The following TMEM135 variants were observed in gnomAD, a reference collection of about 807,000 sequenced individuals.
The protein encoded by TMEM135 is transmembrane protein 135, also known as peroxisomal membrane protein 52.
A neutral mutation model predicts 60.3 loss-of-function variants in TMEM135; 30 were observed. The ratio of observed to expected loss-of-function variants is 0.50; its 90% CI spans 0.37 to 0.68. TMEM135 has a LOEUF of 0.68. TMEM135 is among the 30% of genes least tolerant of loss of function. The pLI, the probability that TMEM135 is intolerant of heterozygous loss-of-function variation, is 0.00. For synonymous variants in TMEM135, 190 were observed against 186.7 expected (o/e 1.02, Z -0.14); for missense variants, 468 against 548.8 (o/e 0.85, Z 1.47).
chr11:87,328,818 G>T lies in TMEM135; in HGVS notation c.*7485G>T, dbSNP rs993016734. The T allele has an allele frequency of 2.2e-6, 1 of 453,740 alleles. No individual in the cohort carries two copies. The highest frequency in any genetic ancestry group is 2.0e-5 in the African/African-American group (1 of 49,902). The allele number at this position is 453,740 out of a possible 1,614,324, so 28.1% of individuals were successfully genotyped here. On this transcript the variant is annotated 3_prime_UTR_variant, in exon 15 of 15. Transcript: ENST00000305494. ...GTGTTAACAATAAAAATATATATAC[G>T]AGTGTCTTTTATGGTAGATCTCCTT...
chr11:87,240,101 T>C (rs1941096981), intron 6 of TMEM135, among the ~76,000 whole-genome samples: 1 of 152,116 alleles, frequency 6.6e-6, no homozygotes, highest in African/African-American at 2.4e-5. Context: ...AGGAGAGGGC[T>C]CTACTTCTGT....
At chr11:87,298,802 A>AAAAAAAAAAAC (rs1942394319) in intron 7 of TMEM135, among the ~76,000 whole-genome samples, 1 of 134,492 alleles carries the variant, frequency 7.4e-6, no homozygotes, top group Admixed American at 7.5e-5. Context: ...AAAAAAAAAA[A>AAAAAAAAAAAC]AACAGCCGGG....
intron 5 of TMEM135, among the ~76,000 whole-genome samples, chr11:87,230,016 G>T (rs146663475): frequency 6.6e-6 from 1 of 151,836 alleles, no homozygotes; most frequent in Non-Finnish European, 1.5e-5. Context: ...TGAGTTGTGT[G>T]GCATCCAACC....
At position 87,326,386 on chromosome 11, in the gene TMEM135, G is replaced by T. The variant is rs1318689892; in HGVS notation, c.*5053G>T. On this transcript the variant is annotated 3_prime_UTR_variant, in exon 15 of 15. Transcript: ENST00000305494. The stretch of plus-strand genomic sequence containing the variant: ...GAACTAGGACCAGTTAATTTTCGAA[G>T]TCTAGTTCTTCAGTGTCTATTAAAC... The T allele has an allele frequency of 1.1e-5, 5 of 453,918 alleles. No individual in the cohort carries two copies. The Admixed American group carries it at 1.2e-4, about 11-fold the overall frequency. 28.1% of individuals were successfully genotyped at this position (453,918 alleles called of 1,614,324 possible). A position where few individuals can be genotyped will look rare whatever the true frequency, so the allele number is the denominator to read the frequency against.
At chr11:87,149,954 C>T (rs538281686) in intron 4 of TMEM135, among the ~76,000 whole-genome samples, 44 of 152,106 alleles carry the variant, frequency 2.9e-4, no homozygotes, top group African/African-American at 8.7e-4. Flanking sequence ...CGGTGGTGCA[C>T]GCCTGTAATC....
At chr11:87,078,987 T>C (rs1234549882) in intron 3 of TMEM135, among the ~76,000 whole-genome samples, 1 of 151,994 alleles carries the variant, frequency 6.6e-6, no homozygotes, top group Non-Finnish European at 1.5e-5. Flanking sequence ...CCAAGTTTTA[T>C]TTTACTTTAT....
intron 4 of TMEM135, among the ~76,000 whole-genome samples, chr11:87,112,917 T>G (rs1297405369): frequency 6.6e-6 from 1 of 151,970 alleles, no homozygotes; most frequent in Non-Finnish European, 1.5e-5. Flanking sequence ...TTATCAGAAA[T>G]GATTAATTGA....
intron 6 of TMEM135, among the ~76,000 whole-genome samples, chr11:87,257,876 T>C (rs1941561147): frequency 6.6e-6 from 1 of 152,142 alleles, no homozygotes; most frequent in Non-Finnish European, 1.5e-5. Flanking sequence ...ATTTCAATGG[T>C]ATCTCAATAA....
chr11:87,167,519 C>G (rs480660), intron 5 of TMEM135, among the ~76,000 whole-genome samples: 55,939 of 151,864 alleles, frequency 0.37, 10,834 homozygotes, highest in East Asian at 0.67. Context: ...TAGCATGAAG[C>G]GGTGTTGAGT....
chr11:87,128,428 C>T (rs1937800968), intron 4 of TMEM135, among the ~76,000 whole-genome samples: 1 of 152,078 alleles, frequency 6.6e-6, no homozygotes, highest in Non-Finnish European at 1.5e-5. Context: ...AAGAGAATCT[C>T]TACAAGACTA....
chr11:87,268,255 ATATTTATTTATTTATTTATTTATTTATT>A (rs56802824), intron 6 of TMEM135, among the ~76,000 whole-genome samples: 4 of 136,800 alleles, frequency 2.9e-5, no homozygotes, highest in African/African-American at 8.1e-5. Flanking sequence ...CCACACCTAG[ATATTTATTTATTTATTTATTTATTTATT>A]TATTTATTTA....
chr11:87,276,675 T>TG lies in TMEM135; in HGVS notation c.510-19107_510-19106insG, dbSNP rs1355724205. ...TTAGTGTGTTTGTGAATTTTTTTTT[T>TG]TTTTTTTTTTTGAGATGGAGTCTAG... is the stretch of plus-strand genomic sequence containing the variant. On this transcript the variant is annotated intron_variant, in intron 6 of 14. Transcript: ENST00000305494. 2.7e-5 allele frequency among the ~76,000 whole-genome samples: 4 copies of TG among 146,436 alleles called. No individual in the cohort carries two copies. In the East Asian group the frequency reaches 7.9e-4, roughly 29 times the overall value.
chr11:87,268,304 C>T (rs186574699), intron 6 of TMEM135, among the ~76,000 whole-genome samples: 240 of 146,594 alleles, frequency 1.6e-3, no homozygotes, highest in African/African-American at 4.5e-3. Flanking sequence ...TTTGTAAAGA[C>T]GGGGTCTCCC....
chr11:87,198,335 G>A lies in TMEM135; in HGVS notation c.463-38303G>A, dbSNP rs546756419. ...TGTTGTTTTTGGATGGAGGGTTTTG[G>A]TATTCCAAGAGCAGGATCCTTGGAA... On this transcript the variant is annotated intron_variant, in intron 5 of 14. Transcript: ENST00000305494. Among the ~76,000 whole-genome samples the A allele has an allele frequency of 4.6e-5, 7 of 152,158 alleles. No individual in the cohort carries two copies. The East Asian group carries it at 1.4e-3, about 29-fold the overall frequency.
intron 1 of TMEM135, among the ~76,000 whole-genome samples, chr11:87,056,749 C>G (rs2135122573): frequency 6.6e-6 from 1 of 152,276 alleles, no homozygotes; most frequent in Admixed American, 6.5e-5. Context: ...GGCTTGAACT[C>G]TTAGTGTTCA....
At chr11:87,261,559 C>G (rs1303716844) in intron 6 of TMEM135, among the ~76,000 whole-genome samples, 1 of 152,038 alleles carries the variant, frequency 6.6e-6, no homozygotes, top group Non-Finnish European at 1.5e-5. Context: ...ATTCTCACCC[C>G]TTTATATACC....
At chr11:87,194,097 A>G (rs1939878277) in intron 5 of TMEM135, among the ~76,000 whole-genome samples, 2 of 152,158 alleles carry the variant, frequency 1.3e-5, no homozygotes, top group South Asian at 4.1e-4. Flanking sequence ...TTCCTGTGTG[A>G]ATTTTAAGCC....
At chr11:87,195,910 C>T (rs79677896) in intron 5 of TMEM135, among the ~76,000 whole-genome samples, 16 of 152,122 alleles carry the variant, frequency 1.1e-4, no homozygotes, top group East Asian at 9.6e-4. Context: ...AGTATCTGTT[C>T]GAGACTATTT....
intron 6 of TMEM135, among the ~76,000 whole-genome samples, chr11:87,244,557 C>T (rs1941213810): frequency 1.2e-5 from 1 of 83,796 alleles, no homozygotes. Flanking sequence ...AGATATTCAA[C>T]TTCTTCCTGG....
Sources: gnomAD v4.1 joint callset for allele counts (sites outside exome capture counted in the v4.1 genomes callset) on GRCh38, gnomAD v4.1.1 for gene constraint, MANE v1.5 for transcripts, NCBI Gene and HGNC (gene_info 2026-07-23, HGNC 2026-07-21) for gene names.